Variants in TCF12 observed in about 807,000 individuals in gnomAD.
TCF12 encodes the protein DNA-binding protein HTF4.
Under a neutral mutation model 86.0 loss-of-function variants are expected in TCF12, and 45 were observed. The observed-to-expected ratio is 0.52, with a 90% confidence interval of 0.41 to 0.67. The LOEUF is 0.67. TCF12 is among the 30% of genes least tolerant of loss of function. The probability of loss-of-function intolerance (pLI) is 0.00; values close to 1 mark genes in which losing one functional copy is unlikely to be tolerated. For synonymous variants in TCF12, 330 were observed against 299.6 expected (o/e 1.10, Z -1.05); for missense variants, 881 against 859.9 (o/e 1.02, Z -0.31).
intron 3 of TCF12, among the ~76,000 whole-genome samples, chr15:56,989,661 A>G (rs764291873): frequency 3.9e-5 from 6 of 152,230 alleles, no homozygotes; most frequent in Non-Finnish European, 7.3e-5. Context: ...TTATTGCTGT[A>G]GGAATCAGTT....
At chr15:57,192,423 C>A in intron 7 of TCF12, 130 bp downstream of exon 7, 1 of 1,269,660 alleles carries the variant, frequency 7.9e-7, no homozygotes, top group South Asian at 1.5e-5. Context: ...GCGTCTCACT[C>A]TGTTACCCAT....
intron 3 of TCF12, among the ~76,000 whole-genome samples, chr15:56,969,510 TA>T (rs2062178905): frequency 6.6e-6 from 1 of 150,974 alleles, no homozygotes; most frequent in East Asian, 2.0e-4. Flanking sequence ...TTAGATACAC[TA>T]TACTATTAGA....
chr15:57,046,384 G>T (rs564177781), intron 3 of TCF12, among the ~76,000 whole-genome samples: 1 of 152,144 alleles, frequency 6.6e-6, no homozygotes, highest in Non-Finnish European at 1.5e-5. Flanking sequence ...ACTAGTTTGA[G>T]AAATTGGGTA....
intron 3 of TCF12, among the ~76,000 whole-genome samples, chr15:56,954,704 G>T (rs142102923): frequency 6.6e-6 from 1 of 152,032 alleles, no homozygotes; most frequent in African/African-American, 2.4e-5. Context: ...GAATCTACAA[G>T]GAACTCAAAC....
chr15:57,161,916 C>G (rs1208409112), intron 5 of TCF12, among the ~76,000 whole-genome samples: 1 of 152,122 alleles, frequency 6.6e-6, no homozygotes, highest in Non-Finnish European at 1.5e-5. Context: ...TTTAAAAGAA[C>G]ATTTTGATGA....
intron 3 of TCF12, among the ~76,000 whole-genome samples, chr15:57,006,805 A>G (rs1176661453): frequency 6.6e-6 from 1 of 151,892 alleles, no homozygotes; most frequent in Non-Finnish European, 1.5e-5. Context: ...GGTCCCAGCT[A>G]CTTGGGAGGC....
At chr15:57,141,882 G>A (rs151263196) in intron 5 of TCF12, among the ~76,000 whole-genome samples, 177 of 152,210 alleles carry the variant, frequency 1.2e-3, no homozygotes, top group East Asian at 2.3e-3. Context: ...ATTATGGAAA[G>A]GTTAGGCAAA....
intron 3 of TCF12, among the ~76,000 whole-genome samples, chr15:56,957,697 C>G (rs1022072642): frequency 1.3e-5 from 2 of 152,120 alleles, no homozygotes; most frequent in African/African-American, 4.8e-5. Flanking sequence ...TTTTGTCCCT[C>G]TATATGGTTT....
At chr15:57,139,607 CACCTTTATTTGCAA>C (rs11272112) in intron 5 of TCF12, among the ~76,000 whole-genome samples, 44,729 of 151,788 alleles carry the variant, frequency 0.29, 8,248 homozygotes, top group African/African-American at 0.52. Context: ...TCCTAGCCAT[CACCTTTATTTGCAA>C]ACACTAAAAA....
At chr15:57,017,322 T>G (rs1361129895) in intron 3 of TCF12, among the ~76,000 whole-genome samples, 1 of 152,218 alleles carries the variant, frequency 6.6e-6, no homozygotes, top group Non-Finnish European at 1.5e-5. Context: ...TCTAGCTGAC[T>G]TAAGGAGAGT....
At chr15:57,014,775 G>C (rs985737528) in intron 3 of TCF12, among the ~76,000 whole-genome samples, 1 of 151,822 alleles carries the variant, frequency 6.6e-6, no homozygotes, top group Admixed American at 6.6e-5. Flanking sequence ...ATAACCATTT[G>C]GTGAATATAC....
intron 5 of TCF12, among the ~76,000 whole-genome samples, chr15:57,099,012 G>A (rs866983285): frequency 2.0e-5 from 3 of 152,260 alleles, no homozygotes; most frequent in Middle Eastern, 6.8e-3. Flanking sequence ...AGTATTTCCA[G>A]ATTGCTCTAA....
At chr15:57,280,689 G>A (rs1160083271) in intron 19 of TCF12, among the ~76,000 whole-genome samples, 2 of 152,250 alleles carry the variant, frequency 1.3e-5, no homozygotes, top group East Asian at 3.9e-4. Context: ...GGGCAACGTA[G>A]TGAGACCCCA....
At position 57,019,991 on chromosome 15, in the gene TCF12, C is replaced by G. The variant is rs536946073; in HGVS notation, c.149-43759C>G. Reference sequence around the variant, plus strand: ...TGCATTTCTCCCATGGTTAACTTGGCCTATATCCAGGAATGAGTTAGAACA... The same window carrying G: ...TGCATTTCTCCCATGGTTAACTTGGGCTATATCCAGGAATGAGTTAGAACA... On this transcript the variant is annotated intron_variant, in intron 3 of 20. Transcript: ENST00000333725. 1.9e-4 allele frequency among the ~76,000 whole-genome samples: 29 copies of G among 152,282 alleles called. 1 individual carries two copies. The South Asian group carries it at 6.0e-3, about 32-fold the overall frequency.
At chr15:57,078,297 A>G (rs1172289989) in intron 4 of TCF12, among the ~76,000 whole-genome samples, 1 of 152,152 alleles carries the variant, frequency 6.6e-6, no homozygotes, top group East Asian at 1.9e-4. Flanking sequence ...AATTTGGCGG[A>G]CTGGTTTGTA....
intron 3 of TCF12, among the ~76,000 whole-genome samples, chr15:57,029,901 G>C (rs2470079): frequency 0.43 from 66,067 of 152,000 alleles, 14,605 homozygotes; most frequent in East Asian, 0.59. Context: ...TATGTTGTAG[G>C]TATCAGTAGT....
intron 5 of TCF12, among the ~76,000 whole-genome samples, chr15:57,136,960 T>TTTTG (rs2052576886): frequency 2.2e-4 from 1 of 4,650 alleles, no homozygotes; most frequent in East Asian, 4.3e-3. Context: ...TTCTGGCAGT[T>TTTTG]TTTTTTTTTG....
At chr15:57,050,277 AT>A (rs1282653744) in intron 3 of TCF12, among the ~76,000 whole-genome samples, 6 of 151,876 alleles carry the variant, frequency 4.0e-5, no homozygotes, top group Non-Finnish European at 7.4e-5. Flanking sequence ...ATAGTTGTGA[AT>A]TTTATCTGGT....
chr15:57,254,969 C>G (rs1436571387), intron 16 of TCF12, among the ~76,000 whole-genome samples: 1 of 151,404 alleles, frequency 6.6e-6, no homozygotes, highest in Non-Finnish European at 1.5e-5. Context: ...GAATTTGTTA[C>G]AAATGTGAAT....
Sources: gnomAD v4.1 joint callset for allele counts (sites outside exome capture counted in the v4.1 genomes callset) on GRCh38, gnomAD v4.1.1 for gene constraint, MANE v1.5 for transcripts, NCBI Gene and HGNC (gene_info 2026-07-23, HGNC 2026-07-21) for gene names.